Variants in KCNQ1 observed in about 807,000 individuals in gnomAD.
The protein encoded by KCNQ1 is potassium voltage-gated channel subfamily KQT member 1.
In KCNQ1, 49 loss-of-function variants were observed where a neutral mutation model predicts 72.4. The ratio of observed to expected loss-of-function variants is 0.68; its 90% CI spans 0.54 to 0.86. KCNQ1 has a LOEUF of 0.86. Ranked by LOEUF, KCNQ1 falls within the 40% of genes least tolerant of loss-of-function variation. KCNQ1 has a pLI of 0.00. For synonymous variants in KCNQ1, 450 were observed against 412.6 expected, an observed-to-expected ratio of 1.09 and a Z score of -1.10; for missense variants, 790 against 945.1, an observed-to-expected ratio of 0.84 and a Z score of 2.15.
At chr11:2,798,396 G>A (rs1019706662) in intron 15 of KCNQ1, among the ~76,000 whole-genome samples, 7 of 152,158 alleles carry the variant, frequency 4.6e-5, no homozygotes, top group Non-Finnish European at 7.4e-5. Context: ...CATCTGAGCC[G>A]TTCCCACAAA....
chr11:2,585,798 T>A (rs1848584421), intron 8 of KCNQ1, among the ~76,000 whole-genome samples: 1 of 152,200 alleles, frequency 6.6e-6, no homozygotes, highest in Admixed American at 6.5e-5. Context: ...GGCCTCCCTC[T>A]GGGCTCACAA....
intron 11 of KCNQ1, chr11:2,675,153 AG>A (rs890133869): frequency 3.3e-5 from 13 of 398,466 alleles, no homozygotes; most frequent in African/African-American, 8.2e-5. Flanking sequence ...ACCCTATTAG[AG>A]GTAGTGCTCT....
intron 1 of KCNQ1, among the ~76,000 whole-genome samples, chr11:2,502,602 T>C (rs1847035828): frequency 6.6e-6 from 1 of 152,216 alleles, no homozygotes; most frequent in African/African-American, 2.4e-5. Flanking sequence ...TTAAAATGTC[T>C]GTATTGTCTA....
In KCNQ1 at chr11:2,668,789, A is replaced by C; in HGVS notation, c.1514+6708A>C. On this transcript the variant is annotated intron_variant, in intron 11 of 15. Transcript: ENST00000155840. This position sits in a 1 kb window ranked among gnomAD's most constrained non-coding sequence, Gnocchi z 4.3. Reference sequence around the variant, plus strand: ...CTTGATGGTGTCTTTTGATGAACAGAAGGTCTTAATTTTCATGTGGTCCAG... The same window carrying C: ...CTTGATGGTGTCTTTTGATGAACAGCAGGTCTTAATTTTCATGTGGTCCAG... 1 of 398,578 alleles carries C rather than the reference A, an allele frequency of 2.5e-6. No individual in the cohort carries two copies. The highest frequency in any genetic ancestry group is 4.4e-6 in the Non-Finnish European group (1 of 226,058). 24.7% of individuals were successfully genotyped at this position (398,578 alleles called of 1,614,324 possible). A position where few individuals can be genotyped will look rare whatever the true frequency, so the allele number is the denominator to read the frequency against.
Position 2,500,296 on chromosome 11 carries a change from A to G in KCNQ1, c.387-27632A>G, listed in dbSNP as rs187259260. On this transcript the variant is annotated intron_variant, in intron 1 of 15. Coordinates refer to ENST00000155840, the MANE Select transcript of KCNQ1 (RefSeq NM_000218.3). ...AATGTGCTCATCATCACTGGTCATT[A>G]GAGAAATGCAAATCAAAACCACAAT... Among the ~76,000 whole-genome samples the G allele has an allele frequency of 9.2e-5, 14 of 152,376 alleles. No homozygotes were observed. In the East Asian group the frequency reaches 2.5e-3, roughly 27 times the overall value.
intron 11 of KCNQ1, among the ~76,000 whole-genome samples, chr11:2,700,798 C>T (rs1850795177): frequency 1.3e-5 from 2 of 151,740 alleles, no homozygotes; most frequent in South Asian, 4.2e-4. Context: ...CCGGGCGTGA[C>T]ACTTGACCGC....
rs1850456569 is a variant in KCNQ1, at chr11:2,684,848, T to G, written c.1514+22767T>G. ...TAGTCAAGGCCTCCTGTTATTGGCTTCCTCCAGGGAGTCTGCTGAGACAAA... is the reference window on the plus strand; with the variant it reads ...TAGTCAAGGCCTCCTGTTATTGGCTGCCTCCAGGGAGTCTGCTGAGACAAA... On this transcript the variant is annotated intron_variant, in intron 11 of 15. Coordinates refer to ENST00000155840, the MANE Select transcript of KCNQ1 (RefSeq NM_000218.3). The G allele has an allele frequency of 7.5e-6, 3 of 398,556 alleles. No homozygotes were observed. In the South Asian group the frequency reaches 3.8e-4, roughly 51 times the overall value. 24.7% of individuals were successfully genotyped at this position (398,556 alleles called of 1,614,324 possible).
chr11:2,777,521 C>G lies in KCNQ1; in HGVS notation c.1733-455C>G, dbSNP rs920598775. 1.3e-5 allele frequency: 7 copies of G among 535,034 alleles called. No individual in the cohort carries two copies. The Admixed American group carries it at 2.5e-4, about 19-fold the overall frequency. The allele number at this position is 535,034 out of a possible 1,614,324, so 33.1% of individuals were successfully genotyped here. On this transcript the variant is annotated intron_variant, in intron 14 of 15. Coordinates refer to ENST00000155840, the MANE Select transcript of KCNQ1 (RefSeq NM_000218.3). ...CTGGACACGGGGCTGTGAGTCATTC[C>G]GGGGAATGACAGGGAAAAGGCACAT... is the stretch of plus-strand genomic sequence containing the variant.
chr11:2,646,327 A>T (rs1236092412), intron 10 of KCNQ1: 1 of 398,398 alleles, frequency 2.5e-6, no homozygotes, highest in African/African-American at 2.1e-5. Flanking sequence ...TTTTTCTTTC[A>T]ATCCATGAGC....
chr11:2,730,540 A>G (rs946217068), intron 11 of KCNQ1, among the ~76,000 whole-genome samples: 3 of 152,042 alleles, frequency 2.0e-5, no homozygotes, highest in Admixed American at 1.3e-4. Flanking sequence ...TGCAGGGGTG[A>G]TCTGGAGGAG....
intron 10 of KCNQ1, chr11:2,628,514 A>G (rs954536154): frequency 2.5e-6 from 1 of 398,288 alleles, no homozygotes; most frequent in African/African-American, 2.1e-5. Flanking sequence ...TGCTAGTTAT[A>G]TGAGTTCCTT....
rs947887752 is a variant in KCNQ1, at chr11:2,663,828, A to G, written c.1514+1747A>G. Reference sequence around the variant, plus strand: ...GGGGGTGAGGGCTGCCAGTGCTGGTATCAGCACATGCCAAGCTCCCTGGAG... The same window carrying G: ...GGGGGTGAGGGCTGCCAGTGCTGGTGTCAGCACATGCCAAGCTCCCTGGAG... On this transcript the variant is annotated intron_variant, in intron 11 of 15. Coordinates refer to ENST00000155840, the MANE Select transcript of KCNQ1 (RefSeq NM_000218.3). This position sits in a 1 kb window ranked among gnomAD's most constrained non-coding sequence, Gnocchi z 5.2. 5.0e-6 allele frequency: 2 copies of G among 398,462 alleles called. No individual in the cohort carries two copies. Among genetic ancestry groups the G allele is most frequent in the African/African-American group, 2.1e-5 (1 of 48,614 alleles). 24.7% of individuals were successfully genotyped at this position (398,462 alleles called of 1,614,324 possible).
At chr11:2,708,997 T>C (rs1048451712) in intron 11 of KCNQ1, among the ~76,000 whole-genome samples, 2 of 152,152 alleles carry the variant, frequency 1.3e-5, no homozygotes, top group South Asian at 2.1e-4. Context: ...CAGAGAAGCA[T>C]ATGTTTAAAA....
At position 2,693,007 on chromosome 11, in the gene KCNQ1, C is replaced by T. The variant is rs2299619; in HGVS notation, c.1514+30926C>T. On this transcript the variant is annotated intron_variant, in intron 11 of 15. Transcript: ENST00000155840. ...TTTCCAGAAGCCTCATAAGCAAGCACGCTCAGTGAAGGAACAGGAAGTCCT... is the reference window on the plus strand; with the variant it reads ...TTTCCAGAAGCCTCATAAGCAAGCATGCTCAGTGAAGGAACAGGAAGTCCT... 7.8e-4 allele frequency: 312 copies of T among 398,620 alleles called. 1 individual carries two copies. In the East Asian group the frequency reaches 0.011, roughly 14 times the overall value. 24.7% of individuals were successfully genotyped at this position (398,620 alleles called of 1,614,324 possible).
chr11:2,485,800 T>G (rs1446363158), intron 1 of KCNQ1, among the ~76,000 whole-genome samples: 1 of 152,234 alleles, frequency 6.6e-6, no homozygotes, highest in Non-Finnish European at 1.5e-5. Context: ...TATTTGTCTT[T>G]TGTGACTGGC....
chr11:2,823,912 G>T (rs1847788094), intron 15 of KCNQ1, among the ~76,000 whole-genome samples: 1 of 152,212 alleles, frequency 6.6e-6, no homozygotes, highest in Non-Finnish European at 1.5e-5. Context: ...ATACAAGGAA[G>T]ATTCTAGTAG....
At position 2,768,772 on chromosome 11, in the gene KCNQ1, A is replaced by T; in HGVS notation, c.1515-72A>T. ...GATCCAGTCTGCGTGCTCCTCAGGC[A>T]GTGCAGGGGCAGTGAGGGGATGACC... On this transcript the variant is annotated intron_variant, in intron 11 of 15. Transcript: ENST00000155840. The surrounding 1 kb of genome is among the most constrained non-coding windows in gnomAD (Gnocchi z 6.7). 1 of 1,134,314 alleles carries T rather than the reference A, an allele frequency of 8.8e-7. No individual in the cohort carries two copies. Among genetic ancestry groups the T allele is most frequent in the Non-Finnish European group, 1.3e-6 (1 of 742,078 alleles). The allele number at this position is 1,134,314 out of a possible 1,614,324, so 70.3% of individuals were successfully genotyped here. A position where few individuals can be genotyped will look rare whatever the true frequency, so the allele number is the denominator to read the frequency against.
At chr11:2,841,486 C>G (rs1416125097) in intron 15 of KCNQ1, among the ~76,000 whole-genome samples, 1 of 152,134 alleles carries the variant, frequency 6.6e-6, no homozygotes, top group Non-Finnish European at 1.5e-5. Context: ...GGGGCAGGCT[C>G]AGAGCACATG....
At chr11:2,646,682 G>A (rs1383065992) in intron 10 of KCNQ1, 6 of 398,474 alleles carry the variant, frequency 1.5e-5, no homozygotes, top group Non-Finnish European at 2.2e-5. Flanking sequence ...AGGCCACCAC[G>A]CCCAGCTCAT....
Sources: allele counts gnomAD v4.1 joint callset (sites outside exome capture counted in the v4.1 genomes callset), GRCh38; gene constraint gnomAD v4.1.1; non-coding constraint Gnocchi (gnomAD v3.1); transcripts MANE v1.5; gene names NCBI Gene and HGNC (gene_info 2026-07-23, HGNC 2026-07-21).